GTF2F2: variants seen among roughly 807,000 people sequenced by gnomAD.
The protein encoded by GTF2F2 is ATP-dependent helicase GTF2F2.
A neutral mutation model predicts 42.2 loss-of-function variants in GTF2F2; 23 were observed. The observed-to-expected ratio is 0.55, with a 90% CI of 0.39 to 0.77. The LOEUF (loss-of-function observed/expected upper bound fraction) is 0.77, where lower values mean the gene tolerates loss of function less well. Among genes scored for constraint, GTF2F2 ranks in the 30% least tolerant of loss-of-function variants. The pLI is 0.00. For synonymous variants in GTF2F2, 105 were observed against 100.8 expected, an observed-to-expected ratio of 1.04 and a Z score of -0.25; for missense variants, 261 against 287.2, an observed-to-expected ratio of 0.91 and a Z score of 0.66.
intron 4 of GTF2F2, among the ~76,000 whole-genome samples, chr13:45,156,454 T>C (rs1055625652): frequency 1.3e-5 from 2 of 152,226 alleles, no homozygotes; most frequent in African/African-American, 4.8e-5. Context: ...GTCATAGCTA[T>C]CTAAAAGTTC....
chr13:45,231,494 G>T (rs536677018), intron 5 of GTF2F2, among the ~76,000 whole-genome samples: 1 of 152,294 alleles, frequency 6.6e-6, no homozygotes, highest in South Asian at 2.1e-4. Context: ...TCAATGGAGA[G>T]AGAGAGACCA....
At chr13:45,183,065 T>A (rs1453855818) in intron 4 of GTF2F2, among the ~76,000 whole-genome samples, 8 of 152,150 alleles carry the variant, frequency 5.3e-5, no homozygotes, top group African/African-American at 1.9e-4. Context: ...ATGTCCTTTG[T>A]CAAGTAAGTC....
intron 5 of GTF2F2, among the ~76,000 whole-genome samples, chr13:45,250,937 C>T (rs1222363280): frequency 6.6e-6 from 1 of 152,198 alleles, no homozygotes; most frequent in Non-Finnish European, 1.5e-5. Context: ...TTTATGGTTA[C>T]ATATCCAGTA....
chr13:45,209,541 A>G lies in GTF2F2; in HGVS notation c.386+2036A>G, dbSNP rs150795367. On this transcript the variant is annotated intron_variant, in intron 5 of 7. Coordinates refer to ENST00000340473, the MANE Select transcript of GTF2F2 (RefSeq NM_004128.3). ...GTCTTGAAGACAGCTTTTTTTGACC[A>G]AGTGGAGAAAGAGATGGGGTAAGAA... is the stretch of plus-strand genomic sequence containing the variant. 7.2e-5 allele frequency among the ~76,000 whole-genome samples: 11 copies of G among 152,304 alleles called. 1 individual carries two copies. The East Asian group carries it at 9.6e-4, about 13-fold the overall frequency.
At chr13:45,228,064 C>A (rs1345476219) in intron 5 of GTF2F2, among the ~76,000 whole-genome samples, 1 of 151,568 alleles carries the variant, frequency 6.6e-6, no homozygotes, top group Non-Finnish European at 1.5e-5. Context: ...TTTTCCTTTT[C>A]ATTTCTTGAG....
intron 4 of GTF2F2, among the ~76,000 whole-genome samples, chr13:45,199,739 G>A (rs902070834): frequency 2.0e-5 from 3 of 152,090 alleles, no homozygotes; most frequent in Non-Finnish European, 2.9e-5. Flanking sequence ...CAAAATGAAG[G>A]GCATAACTTT....
chr13:45,263,479 C>T (rs1303680467), intron 6 of GTF2F2, among the ~76,000 whole-genome samples: 2 of 152,014 alleles, frequency 1.3e-5, no homozygotes, highest in African/African-American at 2.4e-5. Flanking sequence ...CTGCCCACCT[C>T]GGCCTCCCAA....
In GTF2F2 at chr13:45,283,640, C is replaced by T; in HGVS notation, c.*79C>T. ...AGGCGCTGATACTGGAAGGCTTGAA[C>T]ACCGTATGTTAATAGGGGTTAAGTG... is the stretch of plus-strand genomic sequence containing the variant. On this transcript the variant is annotated 3_prime_UTR_variant, in exon 8 of 8. Coordinates refer to ENST00000340473, the MANE Select transcript of GTF2F2 (RefSeq NM_004128.3). The T allele has an allele frequency of 7.9e-7, 1 of 1,272,388 alleles. No homozygotes were observed. The highest frequency in any genetic ancestry group is 1.1e-6 in the Non-Finnish European group (1 of 938,300). 78.8% of individuals were successfully genotyped at this position (1,272,388 alleles called of 1,614,324 possible).
intron 5 of GTF2F2, among the ~76,000 whole-genome samples, chr13:45,242,669 T>A: frequency 6.6e-6 from 1 of 152,218 alleles, no homozygotes; most frequent in East Asian, 1.9e-4. Flanking sequence ...ATGAAAATAG[T>A]CCACATGTAT....
At chr13:45,154,428 T>C (rs1284543946) in intron 4 of GTF2F2, among the ~76,000 whole-genome samples, 2 of 152,240 alleles carry the variant, frequency 1.3e-5, no homozygotes, top group African/African-American at 4.8e-5. Context: ...TGTGGTTTTA[T>C]AAGGATTATC....
At chr13:45,244,154 T>C (rs531123219) in intron 5 of GTF2F2, among the ~76,000 whole-genome samples, 1 of 152,324 alleles carries the variant, frequency 6.6e-6, no homozygotes, top group African/African-American at 2.4e-5. Flanking sequence ...AATGTGCTTT[T>C]TCTGTGTGTG....
intron 5 of GTF2F2, among the ~76,000 whole-genome samples, chr13:45,208,369 C>A (rs768097509): frequency 2.6e-5 from 4 of 152,040 alleles, no homozygotes; most frequent in Non-Finnish European, 5.9e-5. Flanking sequence ...ATTTTTTAAG[C>A]CCTGAGGAAA....
chr13:45,247,942 T>C (rs1875712769), intron 5 of GTF2F2, among the ~76,000 whole-genome samples: 1 of 152,140 alleles, frequency 6.6e-6, no homozygotes, highest in South Asian at 2.1e-4. Context: ...CCTTCTGGGT[T>C]CAAGCAATTC....
chr13:45,142,029 G>T (rs1869952093), intron 2 of GTF2F2, among the ~76,000 whole-genome samples: 1 of 152,128 alleles, frequency 6.6e-6, no homozygotes, highest in Non-Finnish European at 1.5e-5. Context: ...CTCTTCCCTA[G>T]AGTACATGGC....
intron 4 of GTF2F2, among the ~76,000 whole-genome samples, chr13:45,168,402 G>A (rs1319226850): frequency 1.3e-5 from 2 of 152,200 alleles, no homozygotes; most frequent in African/African-American, 2.4e-5. Flanking sequence ...TGGGAGTGGC[G>A]TTCAGCCAAT....
intron 5 of GTF2F2, among the ~76,000 whole-genome samples, chr13:45,211,431 C>CTTATTTAT (rs982746937): frequency 6.8e-6 from 1 of 146,310 alleles, no homozygotes; most frequent in African/African-American, 2.5e-5. Context: ...TAAATATTTA[C>CTTATTTAT]TTATTTATTT....
intron 5 of GTF2F2, among the ~76,000 whole-genome samples, chr13:45,215,070 A>C (rs7334230): frequency 0.22 from 33,251 of 152,184 alleles, 3,888 homozygotes; most frequent in African/African-American, 0.27. Context: ...ATTGAATGGG[A>C]TACAGGTTGA....
intron 1 of GTF2F2, among the ~76,000 whole-genome samples, chr13:45,131,824 G>A (rs1328267838): frequency 6.7e-6 from 1 of 149,512 alleles, no homozygotes; most frequent in Non-Finnish European, 1.5e-5. Flanking sequence ...AGTATCGTTG[G>A]AGCCCAGGAA....
intron 7 of GTF2F2, among the ~76,000 whole-genome samples, chr13:45,281,879 C>T (rs1877281456): frequency 1.3e-5 from 2 of 152,194 alleles, no homozygotes; most frequent in Admixed American, 1.3e-4. Context: ...CTTTGTTCTG[C>T]AACAACAACA....
Sources: gnomAD v4.1 joint callset for allele counts (sites outside exome capture counted in the v4.1 genomes callset) on GRCh38, gnomAD v4.1.1 for gene constraint, MANE v1.5 for transcripts, NCBI Gene and HGNC (gene_info 2026-07-23, HGNC 2026-07-21) for gene names.